The following MPPED2 variants were observed in gnomAD, a reference collection of about 807,000 sequenced individuals.
MPPED2 encodes metallophosphoesterase domain containing 2.
A neutral mutation model predicts 33.0 loss-of-function variants in MPPED2; 5 were observed. That is an observed-to-expected ratio of 0.15 (90% CI 0.08 to 0.32). The LOEUF is 0.32. MPPED2 is among the 10% of genes least tolerant of loss of function. MPPED2 has a pLI of 1.00. For synonymous variants in MPPED2, 136 were observed against 141.9 expected, an observed-to-expected ratio of 0.96 and a Z score of 0.29; for missense variants, 275 against 372.1, an observed-to-expected ratio of 0.74 and a Z score of 2.15.
chr11:30,434,544 T>C (rs1206639370), intron 4 of MPPED2, among the ~76,000 whole-genome samples: 1 of 152,240 alleles, frequency 6.6e-6, no homozygotes, highest in Non-Finnish European at 1.5e-5. Context: ...AATTTTCTAA[T>C]TTAAATCACA....
chr11:30,472,591 A>G (rs1255365468), intron 4 of MPPED2, among the ~76,000 whole-genome samples: 1 of 152,244 alleles, frequency 6.6e-6, no homozygotes, highest in Non-Finnish European at 1.5e-5. Flanking sequence ...TTACAAAGAA[A>G]GGAAATTCTA....
In MPPED2 at chr11:30,411,409, A is replaced by G. The variant is rs1322530238; in HGVS notation, c.*59T>C. 1.3e-6 allele frequency: 2 copies of G among 1,539,846 alleles called. No homozygotes were observed. Among genetic ancestry groups the G allele is most frequent in the Admixed American group, 1.9e-5 (1 of 53,120 alleles). On this transcript the variant is annotated 3_prime_UTR_variant, in exon 7 of 7. Transcript: ENST00000358117. ...AATAAGTAAGAGAATGTAAGTTTAT[A>G]ATTAGAAAAATGGCAGTTTATAGAC... is the stretch of plus-strand genomic sequence containing the variant.
At chr11:30,384,921 C>A (rs1337451335) in exon 7 of MPPED2, 1 of 152,212 alleles carries the variant, frequency 6.6e-6, no homozygotes, top group Admixed American at 6.5e-5. Context: ...ATGCTTTCCA[C>A]CAGACCACAA....
At chr11:30,390,480 C>A (rs1259795537) in intron 6 of MPPED2, among the ~76,000 whole-genome samples, 1 of 152,194 alleles carries the variant, frequency 6.6e-6, no homozygotes, top group Admixed American at 6.5e-5. Context: ...CTGAAACCAT[C>A]CTTTGGTCCC....
intron 4 of MPPED2, among the ~76,000 whole-genome samples, chr11:30,461,786 A>C (rs538606489): frequency 6.6e-6 from 1 of 152,330 alleles, no homozygotes; most frequent in South Asian, 2.1e-4. Flanking sequence ...ATTTAAGCAA[A>C]ATTCATCCTG....
chr11:30,539,579 CATA>C (rs1169829852), intron 2 of MPPED2, among the ~76,000 whole-genome samples: 6 of 152,028 alleles, frequency 3.9e-5, no homozygotes, highest in Non-Finnish European at 8.8e-5. Flanking sequence ...CTCTAGACGA[CATA>C]ATGTTTTGTG....
At chr11:30,440,001 C>T (rs1485856191) in intron 4 of MPPED2, among the ~76,000 whole-genome samples, 1 of 152,064 alleles carries the variant, frequency 6.6e-6, no homozygotes, top group African/African-American at 2.4e-5. Context: ...AGCTATGGCC[C>T]GTGGGCCAAA....
In MPPED2 at chr11:30,582,674, A is replaced by G. The variant is rs1002805777; in HGVS notation, c.-121-2180T>C. Among the ~76,000 whole-genome samples the G allele has an allele frequency of 8.5e-5, 13 of 152,358 alleles. No individual in the cohort carries two copies. The East Asian group carries it at 2.5e-3, about 29-fold the overall frequency. On this transcript the variant is annotated intron_variant, in intron 1 of 6. Coordinates refer to ENST00000358117, the MANE Select transcript of MPPED2 (RefSeq NM_001584.3). ...GCATGATACCCACCCAAGTTCTACT[A>G]TTTGAAGCTAAGAAGAGACAGAATT...
chr11:30,542,400 G>A (rs1172415452), intron 2 of MPPED2, among the ~76,000 whole-genome samples: 1 of 144,992 alleles, frequency 6.9e-6, no homozygotes, highest in Admixed American at 7.3e-5. Flanking sequence ...GATTGCTTGA[G>A]CTCAGGAGTT....
chr11:30,550,312 T>C (rs1266792930), intron 2 of MPPED2, among the ~76,000 whole-genome samples: 2 of 152,184 alleles, frequency 1.3e-5, no homozygotes, highest in African/African-American at 4.8e-5. Flanking sequence ...ATGTCATCTA[T>C]ACTAGGAAAC....
intron 3 of MPPED2, among the ~76,000 whole-genome samples, chr11:30,514,758 T>C (rs78247537): frequency 0.01 from 1,557 of 152,280 alleles, 26 homozygotes; most frequent in African/African-American, 0.036. Flanking sequence ...ATGACAATTA[T>C]GAGATTTGGA....
chr11:30,450,562 T>C (rs1950013331), intron 4 of MPPED2, among the ~76,000 whole-genome samples: 1 of 152,162 alleles, frequency 6.6e-6, no homozygotes, highest in South Asian at 2.1e-4. Flanking sequence ...TTTTTGACAA[T>C]AGCTGACTCT....
intron 3 of MPPED2, among the ~76,000 whole-genome samples, chr11:30,514,539 T>C (rs1442513736): frequency 6.6e-6 from 1 of 152,192 alleles, no homozygotes; most frequent in Non-Finnish European, 1.5e-5. Context: ...ACTAAATTCC[T>C]TGTTTCTTAC....
chr11:30,505,559 T>C (rs938671722), intron 3 of MPPED2, among the ~76,000 whole-genome samples: 20 of 152,202 alleles, frequency 1.3e-4, no homozygotes, highest in African/African-American at 4.8e-4. Flanking sequence ...CAAACTTTCC[T>C]TTACAAATGA....
At chr11:30,443,589 T>C (rs982329289) in intron 4 of MPPED2, among the ~76,000 whole-genome samples, 1 of 152,142 alleles carries the variant, frequency 6.6e-6, no homozygotes, top group Admixed American at 6.5e-5. Flanking sequence ...AAAGATGTCA[T>C]GGTAATTGGA....
At chr11:30,568,498 G>C (rs1359237377) in intron 2 of MPPED2, among the ~76,000 whole-genome samples, 1 of 152,068 alleles carries the variant, frequency 6.6e-6, no homozygotes, top group African/African-American at 2.4e-5. Flanking sequence ...AACATGGCAC[G>C]ACCCTTCCTG....
intron 4 of MPPED2, among the ~76,000 whole-genome samples, chr11:30,428,506 C>G (rs1266314647): frequency 4.6e-5 from 7 of 152,108 alleles, no homozygotes; most frequent in Non-Finnish European, 1.0e-4. Context: ...CCACTGCACT[C>G]CAGCCTTGGC....
intron 3 of MPPED2, among the ~76,000 whole-genome samples, chr11:30,525,304 A>G (rs1311522714): frequency 6.6e-6 from 1 of 152,240 alleles, no homozygotes; most frequent in Non-Finnish European, 1.5e-5. Context: ...TTCATGTGCT[A>G]GGACACAAGA....
At chr11:30,583,134 C>CTTTTTCTTTTTTTTTT (rs1957251845) in intron 1 of MPPED2, among the ~76,000 whole-genome samples, 1 of 96,712 alleles carries the variant, frequency 1.0e-5, no homozygotes, top group African/African-American at 4.8e-5. Flanking sequence ...AAGACTTTTT[C>CTTTTTCTTTTTTTTTT]TTTTTTTTTT....
Sources: gnomAD v4.1 joint callset for allele counts (sites outside exome capture counted in the v4.1 genomes callset) on GRCh38, gnomAD v4.1.1 for gene constraint, MANE v1.5 for transcripts, NCBI Gene and HGNC (gene_info 2026-07-23, HGNC 2026-07-21) for gene names.